LIN9: variants seen among roughly 807,000 people sequenced by gnomAD.
LIN9 encodes the protein protein lin-9 homolog.
In LIN9, 18 loss-of-function variants were observed where a neutral mutation model predicts 78.0. The observed-to-expected ratio is 0.23, with a 90% CI of 0.16 to 0.34. The LOEUF (loss-of-function observed/expected upper bound fraction) is 0.34, where lower values mean the gene tolerates loss of function less well. Ranked by LOEUF, LIN9 falls within the 10% of genes least tolerant of loss-of-function variation. LIN9 has a pLI of 1.00. For missense variants in LIN9, 451 were observed against 644.1 expected (o/e 0.70, Z 3.25); for synonymous variants, 192 against 215.2 (o/e 0.89, Z 0.94).
intron 6 of LIN9, among the ~76,000 whole-genome samples, chr1:226,285,624 T>C (rs1479409278): frequency 3.9e-5 from 6 of 152,172 alleles, no homozygotes; most frequent in Admixed American, 3.9e-4. Context: ...AAAAGTAATA[T>C]AAGGTTTTCC....
chr1:226,260,650 T>G (rs1258301494), intron 10 of LIN9, among the ~76,000 whole-genome samples: 3 of 129,666 alleles, frequency 2.3e-5, no homozygotes, highest in African/African-American at 9.0e-5. Flanking sequence ...TTTTTTTTTT[T>G]TTTTTTTTTT....
At chr1:226,289,384 A>C (rs997200521) in intron 4 of LIN9, among the ~76,000 whole-genome samples, 2 of 152,076 alleles carry the variant, frequency 1.3e-5, no homozygotes, top group African/African-American at 4.8e-5. Context: ...CTTTTGAGAC[A>C]GGGTCTCTCT....
chr1:226,266,445 T>C (rs2102910830), intron 8 of LIN9, 113 bp from the exon 9 acceptor site: 2 of 710,940 alleles, frequency 2.8e-6, no homozygotes, highest in East Asian at 3.5e-5. Context: ...ATGATTCATA[T>C]AGAATTTATT....
intron 10 of LIN9, among the ~76,000 whole-genome samples, chr1:226,254,279 A>G (rs1201316245): frequency 6.6e-6 from 1 of 152,224 alleles, no homozygotes; most frequent in Admixed American, 6.5e-5. Context: ...CCTGGCGGCA[A>G]AACATTTTTA....
chr1:226,249,010 A>G (rs1658661579), intron 11 of LIN9, among the ~76,000 whole-genome samples: 1 of 152,218 alleles, frequency 6.6e-6, no homozygotes. Flanking sequence ...TTGGTTTGCG[A>G]AACAACCCAA....
chr1:226,276,419 G>T lies in LIN9; in HGVS notation c.682+1356C>A, dbSNP rs1356538421. ...ACTTCCAGACTAGTTTTAAGACAGA[G>T]ATCATATCATCTATAATCTGTTGAT... is the stretch of plus-strand genomic sequence containing the variant. On this transcript the variant is annotated intron_variant, in intron 7 of 14. Coordinates refer to ENST00000681046, the MANE Select transcript of LIN9 (RefSeq NM_001366245.2). Among the ~76,000 whole-genome samples, 3 of 152,064 alleles carry T rather than the reference G, an allele frequency of 2.0e-5. No homozygotes were observed. In the East Asian group the frequency reaches 5.8e-4, roughly 29 times the overall value.
At chr1:226,304,444 C>A (rs921522617) in intron 1 of LIN9, among the ~76,000 whole-genome samples, 1 of 152,130 alleles carries the variant, frequency 6.6e-6, no homozygotes, top group Non-Finnish European at 1.5e-5. Flanking sequence ...ACAAACAAAG[C>A]CTCTCCTCAC....
Position 226,287,674 on chromosome 1 carries a change from T to A in LIN9, c.388A>T (p.Asn130Tyr), listed in dbSNP as rs766263256. ...AGCCATGATACATACTTATCTATATTTGAATAGAACCACTCGTATATACAC... is the reference window on the plus strand; with the variant it reads ...AGCCATGATACATACTTATCTATATATGAATAGAACCACTCGTATATACAC... ...KWCIYEWFYS[N>Y]IDKPLFEGDN... The change falls in exon 5 of 15, where the codon AAT becomes TAT. Residue 130 changes from asparagine to tyrosine, a missense_variant. Physicochemically the swap from Asn to Tyr is moderately radical, Grantham distance 143 (BLOSUM62 -2). Transcript: ENST00000681046. The A allele has an allele frequency of 7.2e-6, 11 of 1,537,706 alleles. No homozygotes were observed. The highest frequency in any genetic ancestry group is 9.6e-6 in the Non-Finnish European group (11 of 1,150,374).
rs569533047 is a variant in LIN9 at position 226,278,818 on chromosome 1, C to G, written c.525-886G>C. Reference sequence around the variant, plus strand: ...CAGCCTGGGTGACAGAGTAAAACTCCGTCTCAAAAAAAAAAAAGAAAGGCC... The same window carrying G: ...CAGCCTGGGTGACAGAGTAAAACTCGGTCTCAAAAAAAAAAAAGAAAGGCC... On this transcript the variant is annotated intron_variant, in intron 6 of 14. Transcript: ENST00000681046. 1.3e-4 allele frequency among the ~76,000 whole-genome samples: 15 copies of G among 115,770 alleles called. No homozygotes were observed. In the South Asian group the frequency reaches 2.2e-3, roughly 17 times the overall value. The allele number at this position is 115,770 out of a possible 152,430, so 75.9% of individuals were successfully genotyped here.
At chr1:226,250,151 C>T (rs1314010276) in intron 11 of LIN9, among the ~76,000 whole-genome samples, 4 of 146,754 alleles carry the variant, frequency 2.7e-5, no homozygotes, top group Admixed American at 6.9e-5. Context: ...GCCTGGGCGA[C>T]GAGCAAAATT....
chr1:226,272,041 ATTATC>A (rs1011043526), intron 7 of LIN9, among the ~76,000 whole-genome samples: 9 of 140,624 alleles, frequency 6.4e-5, no homozygotes, highest in Admixed American at 2.1e-4. Context: ...ATCCGTTCTC[ATTATC>A]TTAACTTTTT....
Position 226,277,747 on chromosome 1 carries a change from A to G in LIN9, c.682+28T>C, listed in dbSNP as rs772576579. 26 of 1,589,968 alleles carry G rather than the reference A, an allele frequency of 1.6e-5. 1 individual carries two copies. The South Asian group carries it at 2.7e-4, about 17-fold the overall frequency. Reference sequence around the variant, plus strand: ...TACCTTGATTAAAAATTACAAGTCAAAAGAGTAATTAGCTTGTTTTCACTT... The same window carrying G: ...TACCTTGATTAAAAATTACAAGTCAGAAGAGTAATTAGCTTGTTTTCACTT... On this transcript the variant is annotated intron_variant, in intron 7 of 14. Transcript: ENST00000681046.
intron 8 of LIN9, among the ~76,000 whole-genome samples, chr1:226,267,125 T>C (rs906876920): frequency 6.6e-6 from 1 of 151,740 alleles, no homozygotes; most frequent in Non-Finnish European, 1.5e-5. Context: ...CATCCTTTAA[T>C]GTAAAAACTT....
intron 1 of LIN9, 62 bp downstream of exon 1, chr1:226,309,047 G>C (rs1486567505): frequency 2.3e-6 from 3 of 1,297,290 alleles, no homozygotes; most frequent in Non-Finnish European, 3.0e-6. Context: ...CGTCCCGGCC[G>C]GTGCAACCGC....
chr1:226,307,958 G>A (rs756123748), intron 1 of LIN9, among the ~76,000 whole-genome samples: 16 of 152,108 alleles, frequency 1.1e-4, no homozygotes, highest in Non-Finnish European at 2.1e-4. Context: ...CTTTTAATAC[G>A]ACTTTTCACC....
At chr1:226,244,484 G>C (rs1658333975) in intron 11 of LIN9, among the ~76,000 whole-genome samples, 1 of 152,010 alleles carries the variant, frequency 6.6e-6, no homozygotes, top group African/African-American at 2.4e-5. Context: ...ATTCAATTAG[G>C]CTTGTATGAA....
chr1:226,236,794 TC>T (rs1483339083), intron 12 of LIN9, among the ~76,000 whole-genome samples: 3 of 152,200 alleles, frequency 2.0e-5, no homozygotes, highest in African/African-American at 4.8e-5. Flanking sequence ...GTTTGTGAGA[TC>T]CATCTATGGC....
chr1:226,265,703 A>ATT lies in LIN9; in HGVS notation c.937-71_937-70dup. The ATT allele has an allele frequency of 3.5e-6, 3 of 849,302 alleles. No homozygotes were observed. The highest frequency in any genetic ancestry group is 5.5e-6 in the Non-Finnish European group (3 of 547,090). 52.6% of individuals were successfully genotyped at this position (849,302 alleles called of 1,614,324 possible). A position where few individuals can be genotyped will look rare whatever the true frequency, so the allele number is the denominator to read the frequency against. On this transcript the variant is annotated intron_variant, in intron 9 of 14. Coordinates refer to ENST00000681046, the MANE Select transcript of LIN9 (RefSeq NM_001366245.2). The surrounding 1 kb of genome is among the most constrained non-coding windows in gnomAD (Gnocchi z 4.1). ...GGAAGTATCTTATTTTTTTATTTTT[A>ATT]TTTTTTTTTAGACGGAGTCTCGCTC...
In LIN9 at chr1:226,277,834, T is replaced by C. The variant is rs1038488040; in HGVS notation, c.623A>G (p.Gln208Arg). The C allele has an allele frequency of 1.9e-6, 3 of 1,613,834 alleles. No individual in the cohort carries two copies. Among genetic ancestry groups the C allele is most frequent in the Admixed American group, 1.7e-5 (1 of 59,996 alleles). Residue 208 changes from glutamine (Q) to arginine (R), a missense_variant, in exon 7 of 15, where the codon CAA becomes CGA. Transcript: ENST00000681046. ...AATTTCATCTGGGAGATCTTTGAAT[T>C]GTGAAACATCTGCAACTTTCCTTTG... is the stretch of plus-strand genomic sequence containing the variant. ...LQQRKVADVS[Q>R]FKDLPDEIPL...
Sources: gnomAD v4.1 joint callset for allele counts (sites outside exome capture counted in the v4.1 genomes callset) on GRCh38, gnomAD v4.1.1 for gene constraint, Gnocchi (gnomAD v3.1) non-coding constraint, MANE v1.5 for transcripts, NCBI Gene and HGNC (gene_info 2026-07-23, HGNC 2026-07-21) for gene names.